BRWD3: variants seen among roughly 807,000 people sequenced by gnomAD.
BRWD3 encodes the protein bromodomain and WD repeat-containing protein 3.
A neutral mutation model predicts 149.7 loss-of-function variants in BRWD3; 10 were observed. The observed-to-expected ratio is 0.07, with a 90% CI of 0.04 to 0.11. The LOEUF (loss-of-function observed/expected upper bound fraction) is 0.11, where lower values mean the gene tolerates loss of function less well. Among genes scored for constraint, BRWD3 ranks in the 10% least tolerant of loss-of-function variants. BRWD3 has a pLI of 1.00. For synonymous variants in BRWD3, 504 were observed against 456.7 expected (o/e 1.10, Z -1.32); for missense variants, 940 against 1,373.2 (o/e 0.68, Z 4.99).
intron 14 of BRWD3, among the ~76,000 whole-genome samples, chrX:80,725,981 A>G (rs1165003988): frequency 9.6e-6 from 1 of 103,806 alleles, no homozygotes; most frequent in African/African-American, 3.6e-5. Context: ...TACATGTTAT[A>G]TGTCTATATA....
At chrX:80,801,805 C>T (rs911243831) in intron 4 of BRWD3, among the ~76,000 whole-genome samples, 2 of 110,743 alleles carry the variant, frequency 1.8e-5, no homozygotes, top group Non-Finnish European at 3.8e-5. Flanking sequence ...TTCACTCCAG[C>T]CTGGGTCACA....
intron 14 of BRWD3, among the ~76,000 whole-genome samples, chrX:80,728,174 A>C (rs980751807): frequency 8.9e-6 from 1 of 111,811 alleles, no homozygotes; most frequent in Non-Finnish European, 1.9e-5. Context: ...GAAACAGACA[A>C]AAAATAAGGT....
chrX:80,780,712 TGA>T (rs1393023731), intron 6 of BRWD3, among the ~76,000 whole-genome samples: 3 of 111,706 alleles, frequency 2.7e-5, no homozygotes, highest in Non-Finnish European at 1.9e-5. Context: ...GGCACAATTA[TGA>T]GAGTACAAAG....
chrX:80,707,559 T>C, intron 21 of BRWD3, 56 bp from the exon 22 acceptor site: 1 of 1,107,697 alleles, frequency 9.0e-7, no homozygotes, highest in Non-Finnish European at 1.2e-6. Flanking sequence ...AATGTATTTC[T>C]AATTAAAAAA....
intron 8 of BRWD3, among the ~76,000 whole-genome samples, chrX:80,737,305 A>G (rs2073418048): frequency 9.0e-6 from 1 of 111,674 alleles, no homozygotes; most frequent in Non-Finnish European, 1.9e-5. Flanking sequence ...CTTTAAATTA[A>G]ATCATCTCTA....
intron 4 of BRWD3, among the ~76,000 whole-genome samples, chrX:80,806,423 T>C: frequency 9.0e-6 from 1 of 111,572 alleles, no homozygotes; most frequent in East Asian, 2.8e-4. Flanking sequence ...AACTGAATGA[T>C]TTAAAGCTAT....
In BRWD3 at chrX:80,691,974, G is replaced by A; in HGVS notation, c.3330C>T (p.Ala1110=). 1 of 1,202,225 alleles carries A rather than the reference G, an allele frequency of 8.3e-7. No individual in the cohort carries two copies. Among genetic ancestry groups the A allele is most frequent in the Non-Finnish European group, 1.1e-6 (1 of 890,658 alleles). The part of the protein sequence containing the change: ...WDMEPIPEGT[A]FPDEVGAGVP... The stretch of plus-strand genomic sequence containing the variant: ...CACCAGCACCAACTTCATCTGGAAA[G>A]GCAGCTAGGTATAAGATAAAAAAAA... The change falls in exon 30 of 41, where the codon GCC becomes GCT. Residue 1110 remains alanine, a synonymous_variant. Transcript: ENST00000373275.
intron 6 of BRWD3, among the ~76,000 whole-genome samples, chrX:80,769,029 CAAG>C (rs1447791472): frequency 9.0e-6 from 1 of 111,727 alleles, no homozygotes; most frequent in Non-Finnish European, 1.9e-5. Context: ...ATCAATTCAG[CAAG>C]AAGATCTAAC....
intron 6 of BRWD3, among the ~76,000 whole-genome samples, chrX:80,789,719 A>G (rs1207946903): frequency 9.0e-6 from 1 of 111,307 alleles, no homozygotes; most frequent in African/African-American, 3.3e-5. Context: ...TAAGGTGAGC[A>G]ATGCATTTTA....
intron 6 of BRWD3, among the ~76,000 whole-genome samples, chrX:80,774,078 AGAGT>A (rs1486091333): frequency 1.8e-5 from 2 of 111,400 alleles, no homozygotes; most frequent in Admixed American, 9.6e-5. Flanking sequence ...TAAATGCCAT[AGAGT>A]AAGTTCTATA....
intron 6 of BRWD3, among the ~76,000 whole-genome samples, chrX:80,787,683 A>C (rs894071708): frequency 3.6e-5 from 4 of 111,994 alleles, no homozygotes; most frequent in African/African-American, 9.7e-5. Flanking sequence ...AATATAAGAG[A>C]AAATCTCTGT....
chrX:80,809,757 AAAAGAGAG>A lies in BRWD3; in HGVS notation c.-294_-287del, dbSNP rs1394504159. The A allele has an allele frequency of 1.3e-3, 108 of 81,396 alleles. 2 individuals are homozygous for A. In the African/African-American group the frequency reaches 0.014, roughly 11 times the overall value. 6.7% of individuals were successfully genotyped at this position (81,396 alleles called of 1,213,427 possible). On this transcript the variant is annotated 5_prime_UTR_variant, in exon 1 of 41. Transcript: ENST00000373275. ...AGAGAAGAGAGAGAGAGAGAGAGGAAAAAGAGAGAGAGAGAGAGAGAGAGAGAGAGAGA... is the reference window on the plus strand; with the variant it reads ...AGAGAAGAGAGAGAGAGAGAGAGGAAAGAGAGAGAGAGAGAGAGAGAGAGA...
In BRWD3 at chrX:80,760,248, T is replaced by C. The variant is rs184426204; in HGVS notation, c.431-14519A>G. Among the ~76,000 whole-genome samples the C allele has an allele frequency of 9.5e-4, 106 of 111,864 alleles. 3 individuals are homozygous for C. The highest frequency in any genetic ancestry group is 7.3e-3 in the East Asian group (26 of 3,567). On this transcript the variant is annotated intron_variant, in intron 6 of 40. Transcript: ENST00000373275. ...TTTTTTTAAACTGGGTATTTTACCA[T>C]TGACCATAATAAACAGCAAAATAAA... is the stretch of plus-strand genomic sequence containing the variant.
chrX:80,737,183 T>C (rs982017929), intron 8 of BRWD3, among the ~76,000 whole-genome samples: 23 of 111,226 alleles, frequency 2.1e-4, no homozygotes, highest in African/African-American at 7.2e-4. Flanking sequence ...GTTGGTATCA[T>C]TGAGACATTG....
At chrX:80,788,026 G>A (rs1389235400) in intron 6 of BRWD3, among the ~76,000 whole-genome samples, 1 of 109,902 alleles carries the variant, frequency 9.1e-6, no homozygotes, top group East Asian at 2.8e-4. Flanking sequence ...GGAGCTTGCA[G>A]TGAGCCGAGA....
chrX:80,741,135 C>T (rs1288840177), intron 8 of BRWD3, among the ~76,000 whole-genome samples: 1 of 110,186 alleles, frequency 9.1e-6, no homozygotes, highest in Non-Finnish European at 1.9e-5. Context: ...GTTCAATTCC[C>T]ACCTATGAGT....
At position 80,735,205 on chromosome X, in the gene BRWD3, T is replaced by C. The variant is rs764572560; in HGVS notation, c.915-8A>G. The C allele has an allele frequency of 3.3e-6, 4 of 1,196,968 alleles. No individual in the cohort carries two copies. The highest frequency in any genetic ancestry group is 1.8e-5 in the South Asian group (1 of 56,568). On this transcript the variant is annotated splice_region_variant and splice_polypyrimidine_tract_variant and intron_variant, in intron 9 of 40. Coordinates refer to ENST00000373275, the MANE Select transcript of BRWD3 (RefSeq NM_153252.5). The stretch of plus-strand genomic sequence containing the variant: ...AATTTCACCGGGCGATCTCTAAAGA[T>C]AAAAATAAGGTGTTTTTGTGTTTCA...
In BRWD3 at chrX:80,717,721, T is replaced by C. The variant is rs189045413; in HGVS notation, c.2083A>G (p.Asn695Asp). Residue 695 changes from asparagine to aspartate, a missense_variant, in exon 19 of 41, where the codon AAC becomes GAC. By Grantham distance (23) the Asn-to-Asp change is conservative. Transcript: ENST00000373275. ...CTACTATGTCTTCGAAGCCTGATGT[T>C]TGGGGAAGAAGATATGTCCATGTTT... Reference protein sequence around the residue: ...SPNMDISSSPNIRLRRHSSQI... With the variant: ...SPNMDISSSPDIRLRRHSSQI... 182 of 1,209,712 alleles carry C rather than the reference T, an allele frequency of 1.5e-4. 2 individuals carry two copies. In the East Asian group the frequency reaches 5.3e-3, roughly 35 times the overall value.
chrX:80,767,660 G>A (rs966194869), intron 6 of BRWD3, among the ~76,000 whole-genome samples: 8 of 110,974 alleles, frequency 7.2e-5, no homozygotes, highest in Admixed American at 4.8e-4. Flanking sequence ...AAAAACCAGA[G>A]AGCCTCTTCT....
Sources: gnomAD v4.1 joint callset for allele counts (sites outside exome capture counted in the v4.1 genomes callset) on GRCh38, gnomAD v4.1.1 for gene constraint, MANE v1.5 for transcripts, NCBI Gene and HGNC (gene_info 2026-07-23, HGNC 2026-07-21) for gene names.